RORB: variants seen among roughly 807,000 people sequenced by gnomAD.
RORB encodes nuclear receptor ROR-beta.
Under a neutral mutation model 59.1 loss-of-function variants are expected in RORB, and 6 were observed. That is an observed-to-expected ratio of 0.10 (90% confidence interval 0.06 to 0.20). RORB has a LOEUF of 0.20. Among genes scored for constraint, RORB ranks in the 10% least tolerant of loss-of-function variants. The pLI is 1.00. For missense variants in RORB, 320 were observed against 560.5 expected, an observed-to-expected ratio of 0.57 and a Z score of 4.33; for synonymous variants, 215 against 204.5, an observed-to-expected ratio of 1.05 and a Z score of -0.44.
At position 74,690,999 on chromosome 9, in the gene RORB, T is replaced by C. The variant is rs1482781057; in HGVS notation, c.*5381T>C. ...AAGTTTTTATTTTCCCTTAGTTGTA[T>C]GTGAAGAATTTATTCTATAGTCGTG... is the stretch of plus-strand genomic sequence containing the variant. On this transcript the variant is annotated 3_prime_UTR_variant, in exon 10 of 10. Coordinates refer to ENST00000376896, the MANE Select transcript of RORB (RefSeq NM_006914.4). 2 of 152,220 alleles carry C rather than the reference T, an allele frequency of 1.3e-5. No homozygotes were observed. The highest frequency in any genetic ancestry group is 4.8e-5 in the African/African-American group (2 of 41,462). 9.4% of individuals were successfully genotyped at this position (152,220 alleles called of 1,614,324 possible).
chr9:74,592,810 ATCTCTC>A (rs147135870), intron 1 of RORB, among the ~76,000 whole-genome samples: 1 of 148,338 alleles, frequency 6.7e-6, no homozygotes, highest in Non-Finnish European at 1.5e-5. Flanking sequence ...CTCTCTTTCA[ATCTCTC>A]TCTCTCTCTC....
chr9:74,573,367 A>G (rs932423274), intron 1 of RORB, among the ~76,000 whole-genome samples: 1 of 151,708 alleles, frequency 6.6e-6, no homozygotes, highest in African/African-American at 2.4e-5. Flanking sequence ...CTAAATGACA[A>G]CGTCAGTGCT....
intron 4 of RORB, among the ~76,000 whole-genome samples, chr9:74,659,407 A>G (rs1282094294): frequency 6.6e-6 from 1 of 152,176 alleles, no homozygotes; most frequent in African/African-American, 2.4e-5. Context: ...ATTTTCAACT[A>G]GTGTTCAACT....
intron 7 of RORB, 121 bp from the exon 8 acceptor site, chr9:74,667,669 AT>A (rs994249348): frequency 2.0e-5 from 12 of 588,180 alleles, no homozygotes; most frequent in South Asian, 4.5e-5. Context: ...ACTTAAAAAA[AT>A]ATCTTTTCTA....
chr9:74,602,647 A>G (rs1193939184), intron 1 of RORB, among the ~76,000 whole-genome samples: 3 of 152,198 alleles, frequency 2.0e-5, no homozygotes, highest in African/African-American at 7.2e-5. Flanking sequence ...ACAGTTAACA[A>G]TTCTTGAGTT....
chr9:74,537,905 G>A (rs1826345081), intron 1 of RORB, among the ~76,000 whole-genome samples: 1 of 151,968 alleles, frequency 6.6e-6, no homozygotes, highest in Admixed American at 6.6e-5. Flanking sequence ...GAAGTCTACG[G>A]TAGTATACAG....
intron 1 of RORB, among the ~76,000 whole-genome samples, chr9:74,620,316 T>C (rs2118383515): frequency 6.6e-6 from 1 of 152,350 alleles, no homozygotes; most frequent in East Asian, 1.9e-4. Flanking sequence ...CTAGATGTTC[T>C]AGTTTATTTG....
intron 4 of RORB, among the ~76,000 whole-genome samples, chr9:74,651,002 T>C (rs1183684657): frequency 6.6e-6 from 1 of 152,180 alleles, no homozygotes; most frequent in Non-Finnish European, 1.5e-5. Flanking sequence ...TCAATCCTAG[T>C]GATGGCCCTG....
intron 7 of RORB, among the ~76,000 whole-genome samples, chr9:74,666,651 T>G (rs1031694417): frequency 6.6e-6 from 1 of 152,140 alleles, no homozygotes; most frequent in African/African-American, 2.4e-5. Flanking sequence ...CATCATGAGT[T>G]AAGATACTTA....
intron 1 of RORB, among the ~76,000 whole-genome samples, chr9:74,516,603 T>C (rs556223611): frequency 3.5e-4 from 53 of 152,130 alleles, no homozygotes; most frequent in African/African-American, 1.3e-3. Flanking sequence ...CTTAATGATT[T>C]AGGGGTCACT....
chr9:74,688,514 T>C lies in RORB; in HGVS notation c.*2896T>C, dbSNP rs1824685202. ...AAAATCCACAATCTGGGCTTCTCAC[T>C]TCGTGCTTCATAAATGACAATCACT... is the stretch of plus-strand genomic sequence containing the variant. On this transcript the variant is annotated 3_prime_UTR_variant, in exon 10 of 10. Transcript: ENST00000376896. The C allele has an allele frequency of 6.6e-6, 1 of 152,112 alleles. No individual in the cohort carries two copies. The highest frequency in any genetic ancestry group is 1.5e-5 in the Non-Finnish European group (1 of 68,034). The allele number at this position is 152,112 out of a possible 1,614,324, so 9.4% of individuals were successfully genotyped here.
chr9:74,662,470 C>T lies in RORB; in HGVS notation c.760-4C>T, dbSNP rs765029760. On this transcript the variant is annotated splice_region_variant and splice_polypyrimidine_tract_variant and intron_variant, in intron 5 of 9. Transcript: ENST00000376896. ...ATTTACATTCTGTGTCTTCTCTCCT[C>T]AAGTCCAGGGAAGCACTGTGGCAAC... 3 of 1,613,796 alleles carry T rather than the reference C, an allele frequency of 1.9e-6. No homozygotes were observed. The highest frequency in any genetic ancestry group is 2.5e-6 in the Non-Finnish European group (3 of 1,179,842).
chr9:74,605,308 C>T (rs1371152071), intron 1 of RORB, among the ~76,000 whole-genome samples: 1 of 152,104 alleles, frequency 6.6e-6, no homozygotes, highest in East Asian at 1.9e-4. Context: ...TCAAATTTCA[C>T]GAGGGTTAGG....
intron 1 of RORB, among the ~76,000 whole-genome samples, chr9:74,564,139 G>A (rs1221251453): frequency 1.3e-5 from 2 of 152,080 alleles, no homozygotes; most frequent in Non-Finnish European, 2.9e-5. Context: ...ACCTGGTCTC[G>A]GTTGCTGGTA....
chr9:74,644,302 A>G (rs2118467824), intron 4 of RORB, among the ~76,000 whole-genome samples: 1 of 152,362 alleles, frequency 6.6e-6, no homozygotes. Context: ...AGACACACAA[A>G]AAAAGAAACA....
intron 1 of RORB, among the ~76,000 whole-genome samples, chr9:74,600,525 G>T (rs1450078430): frequency 6.6e-6 from 1 of 152,138 alleles, no homozygotes; most frequent in African/African-American, 2.4e-5. Context: ...CTGATGGGCT[G>T]CACAGTCCAT....
intron 9 of RORB, among the ~76,000 whole-genome samples, chr9:74,673,798 T>G (rs1213320732): frequency 6.6e-6 from 1 of 152,238 alleles, no homozygotes; most frequent in African/African-American, 2.4e-5. Context: ...GATTACTTCT[T>G]GGATAAAATT....
intron 8 of RORB, among the ~76,000 whole-genome samples, chr9:74,670,256 G>C (rs554237969): frequency 1.3e-5 from 2 of 152,282 alleles, no homozygotes; most frequent in South Asian, 4.1e-4. Context: ...CTAAGCTGGT[G>C]AATCTATGGA....
chr9:74,620,089 A>G (rs1823387107), intron 1 of RORB, among the ~76,000 whole-genome samples: 2 of 151,876 alleles, frequency 1.3e-5, no homozygotes, highest in African/African-American at 2.4e-5. Context: ...CTCTTTTTCT[A>G]TTGATTGGAG....
Sources: allele counts gnomAD v4.1 joint callset (sites outside exome capture counted in the v4.1 genomes callset), GRCh38; gene constraint gnomAD v4.1.1; transcripts MANE v1.5; gene names NCBI Gene and HGNC (gene_info 2026-07-23, HGNC 2026-07-21).